CD80: variants seen among roughly 807,000 people sequenced by gnomAD.
CD80 encodes the protein T-lymphocyte activation antigen CD80.
In CD80, 13 loss-of-function variants were observed where a neutral mutation model predicts 27.1. That is an observed-to-expected ratio of 0.48 (90% CI 0.31 to 0.76). The LOEUF is 0.76. CD80 is among the 30% of genes least tolerant of loss of function. The pLI is 0.04. For synonymous variants in CD80, 125 were observed against 125.5 expected (o/e 1.00, Z 0.03); for missense variants, 277 against 347.9 (o/e 0.80, Z 1.62).
chr3:119,536,955 G>A (rs1218671756), intron 4 of CD80, among the ~76,000 whole-genome samples, 182 bp downstream of exon 4: 1 of 152,230 alleles, frequency 6.6e-6, no homozygotes, highest in Non-Finnish European at 1.5e-5. Flanking sequence ...GCTGTACCAT[G>A]TAGCCTAGGT....
chr3:119,539,003 G>C (rs1361156027), intron 3 of CD80, among the ~76,000 whole-genome samples: 1 of 152,098 alleles, frequency 6.6e-6, no homozygotes, highest in Non-Finnish European at 1.5e-5. Flanking sequence ...TTTATTTCTG[G>C]ATGGGTTTTC....
At chr3:119,531,206 T>C (rs1288654741) in intron 4 of CD80, among the ~76,000 whole-genome samples, 1 of 152,240 alleles carries the variant, frequency 6.6e-6, no homozygotes, top group Non-Finnish European at 1.5e-5. Context: ...CTTCCCACAC[T>C]TTGCACATCA....
intron 4 of CD80, among the ~76,000 whole-genome samples, chr3:119,530,250 TTATAAC>T (rs1272495121): frequency 1.3e-5 from 2 of 152,214 alleles, no homozygotes; most frequent in Non-Finnish European, 2.9e-5. Context: ...TTATAGCTGA[TTATAAC>T]TATGTGTTAC....
At chr3:119,531,144 C>A (rs375533057) in intron 4 of CD80, among the ~76,000 whole-genome samples, 62 of 152,374 alleles carry the variant, frequency 4.1e-4, no homozygotes, top group African/African-American at 1.2e-3. Context: ...TGCATAGCAC[C>A]ATTACAATAG....
intron 3 of CD80, 97 bp downstream of exon 3, chr3:119,544,453 C>T: frequency 2.1e-6 from 2 of 972,674 alleles, no homozygotes; most frequent in East Asian, 4.8e-5. Context: ...GAGATACATC[C>T]CTCTTTGGTA....
Position 119,537,434 on chromosome 3 carries a change from G to A in CD80, c.419-16C>T. ...GGGAAGTCAGCTAAAGAAAGAACAAGAATATATAATTACGTATAGTTACAA... is the reference window on the plus strand; with the variant it reads ...GGGAAGTCAGCTAAAGAAAGAACAAAAATATATAATTACGTATAGTTACAA... On this transcript the variant is annotated splice_polypyrimidine_tract_variant and intron_variant, in intron 3 of 6. Transcript: ENST00000264246. 6.5e-7 allele frequency: 1 copy of A among 1,534,020 alleles called. No individual in the cohort carries two copies.
intron 2 of CD80, among the ~76,000 whole-genome samples, chr3:119,552,859 C>T (rs555119321): frequency 1.2e-3 from 185 of 151,998 alleles, no homozygotes; most frequent in African/African-American, 4.4e-3. Flanking sequence ...TCTTTCTTAC[C>T]TGGATTCTGG....
intron 1 of CD80, among the ~76,000 whole-genome samples, chr3:119,558,163 G>A (rs2082274118): frequency 6.6e-6 from 1 of 152,164 alleles, no homozygotes; most frequent in Non-Finnish European, 1.5e-5. Flanking sequence ...TGAAGATTTG[G>A]TTAGAAACAG....
At chr3:119,549,162 G>A (rs1220218331) in intron 2 of CD80, among the ~76,000 whole-genome samples, 1 of 152,132 alleles carries the variant, frequency 6.6e-6, no homozygotes, top group African/African-American at 2.4e-5. Context: ...ACCATCTTCA[G>A]GTACCCTAAA....
chr3:119,548,992 A>T (rs1201751263), intron 2 of CD80, among the ~76,000 whole-genome samples: 2 of 152,126 alleles, frequency 1.3e-5, no homozygotes, highest in Non-Finnish European at 2.9e-5. Context: ...AGCCAAGATC[A>T]CACCACTGCA....
chr3:119,542,811 G>A (rs2082177511), intron 3 of CD80, among the ~76,000 whole-genome samples: 1 of 152,130 alleles, frequency 6.6e-6, no homozygotes, highest in Non-Finnish European at 1.5e-5. Context: ...TGCCTTTGTA[G>A]GACTAACATT....
chr3:119,551,625 C>T (rs1279718419), intron 2 of CD80, among the ~76,000 whole-genome samples: 1 of 152,216 alleles, frequency 6.6e-6, no homozygotes, highest in African/African-American at 2.4e-5. Context: ...AAATAAATCT[C>T]TGTTCTTTCT....
Position 119,557,789 on chromosome 3 carries a change from G to T in CD80, c.-61C>A. On this transcript the variant is annotated 5_prime_UTR_variant, in exon 2 of 7. Transcript: ENST00000264246. ...CAATTTGGACCCAAGTAAGACCAGGGCACTTCCCAGGTGCAAAACAGGCAG... is the reference window on the plus strand; with the variant it reads ...CAATTTGGACCCAAGTAAGACCAGGTCACTTCCCAGGTGCAAAACAGGCAG... The T allele has an allele frequency of 3.3e-6, 4 of 1,226,498 alleles. No individual in the cohort carries two copies. Among genetic ancestry groups the T allele is most frequent in the Non-Finnish European group, 4.7e-6 (4 of 859,724 alleles). The allele number at this position is 1,226,498 out of a possible 1,614,324, so 76.0% of individuals were successfully genotyped here. A position where few individuals can be genotyped will look rare whatever the true frequency, so the allele number is the denominator to read the frequency against.
chr3:119,535,191 CAA>C (rs56348025), intron 4 of CD80, among the ~76,000 whole-genome samples: 10 of 85,022 alleles, frequency 1.2e-4, no homozygotes, highest in Admixed American at 1.3e-4. Flanking sequence ...GACTCCGTCT[CAA>C]AAAAAAAAAA....
Position 119,528,833 on chromosome 3 carries a change from G to A in CD80, c.797-992C>T, listed in dbSNP as rs192375012. ...CCCAGCTACTCAGGAGGCTGAGGCCGGATAATTGCTTGAACCTGGGAGGCG... is the reference window on the plus strand; with the variant it reads ...CCCAGCTACTCAGGAGGCTGAGGCCAGATAATTGCTTGAACCTGGGAGGCG... On this transcript the variant is annotated intron_variant, in intron 5 of 6. Transcript: ENST00000264246. Among the ~76,000 whole-genome samples the A allele has an allele frequency of 7.8e-3, 695 of 89,018 alleles. 6 individuals are homozygous for A. The highest frequency in any genetic ancestry group is 0.029 in the African/African-American group (647 of 22,484). 58.4% of individuals were successfully genotyped at this position (89,018 alleles called of 152,430 possible).
chr3:119,525,974 C>G (rs1280981357), intron 6 of CD80, among the ~76,000 whole-genome samples: 4 of 151,546 alleles, frequency 2.6e-5, no homozygotes, highest in Admixed American at 2.6e-4. Context: ...GTATTCCCAG[C>G]TTGTACACAG....
intron 4 of CD80, among the ~76,000 whole-genome samples, chr3:119,536,010 G>C (rs1169344183): frequency 1.3e-5 from 2 of 152,126 alleles, no homozygotes; most frequent in Admixed American, 1.3e-4. Context: ...CCAGCACTTT[G>C]GGAGGCTGAG....
At position 119,540,148 on chromosome 3, in the gene CD80, A is replaced by G. The variant is rs538759044; in HGVS notation, c.419-2730T>C. Reference sequence around the variant, plus strand: ...GTATTTTTAATAGAGATGGGGTTTCACTGTGTTAGCCAGGATGGTCTCAGT... The same window carrying G: ...GTATTTTTAATAGAGATGGGGTTTCGCTGTGTTAGCCAGGATGGTCTCAGT... On this transcript the variant is annotated intron_variant, in intron 3 of 6. Transcript: ENST00000264246. Among the ~76,000 whole-genome samples the G allele has an allele frequency of 9.2e-5, 14 of 152,284 alleles. No individual in the cohort carries two copies. The East Asian group carries it at 2.7e-3, about 29-fold the overall frequency.
At chr3:119,525,852 TTATA>T (rs989805378) in intron 6 of CD80, 103 bp from the exon 7 acceptor site, 16 of 146,626 alleles carry the variant, frequency 1.1e-4, no homozygotes, top group Non-Finnish European at 7.5e-5. Context: ...AATTTTTAAA[TTATA>T]TATGTATATA....
Sources: allele counts gnomAD v4.1 joint callset (sites outside exome capture counted in the v4.1 genomes callset), GRCh38; gene constraint gnomAD v4.1.1; transcripts MANE v1.5; gene names NCBI Gene and HGNC (gene_info 2026-07-23, HGNC 2026-07-21).